Variants in GALNT1 observed in about 807,000 individuals in gnomAD.
GALNT1 encodes the protein polypeptide N-acetylgalactosaminyltransferase 1.
GALNT1 carries 17 observed loss-of-function variants against 65.7 expected under a neutral mutation model. The observed-to-expected ratio is 0.26, with a 90% CI of 0.18 to 0.39. GALNT1 has a LOEUF of 0.39. GALNT1 is among the 10% of genes least tolerant of loss of function. GALNT1 has a pLI of 1.00. For missense variants in GALNT1, 460 were observed against 672.8 expected, an observed-to-expected ratio of 0.68 and a Z score of 3.50; for synonymous variants, 210 against 219.7, an observed-to-expected ratio of 0.96 and a Z score of 0.39.
chr18:35,612,435 G>T (rs1374793148), intron 1 of GALNT1, among the ~76,000 whole-genome samples: 1 of 152,120 alleles, frequency 6.6e-6, no homozygotes, highest in Admixed American at 6.5e-5. Context: ...TTCAGTAAAA[G>T]CTTCACTCTA....
rs180919609 is a variant in GALNT1 at position 35,608,570 on chromosome 18, C to T, written c.-104+26708C>T. Among the ~76,000 whole-genome samples the T allele has an allele frequency of 9.5e-4, 144 of 152,230 alleles. 1 individual carries two copies. The highest frequency in any genetic ancestry group is 3.0e-3 in the African/African-American group (125 of 41,550). ...GTTTCAGCCAAACTAAACAAAGATT[C>T]ACTTTGTTTCTTCATTTAATAAACC... On this transcript the variant is annotated intron_variant, in intron 1 of 11. Coordinates refer to ENST00000269195, the MANE Select transcript of GALNT1 (RefSeq NM_020474.4).
chr18:35,600,133 A>G (rs1359050791), intron 1 of GALNT1, among the ~76,000 whole-genome samples: 1 of 152,186 alleles, frequency 6.6e-6, no homozygotes, highest in Non-Finnish European at 1.5e-5. Flanking sequence ...TCACAATATT[A>G]GTTATTCCAA....
chr18:35,654,597 A>G lies in GALNT1; in HGVS notation c.-66A>G. ...ATTTCTGATGAAACTGGATTGGAAT[A>G]ATTTTCATGATCTTTGTATATTTAT... On this transcript the variant is annotated 5_prime_UTR_variant, in exon 2 of 12. The change creates a new upstream start codon in the 5' untranslated region. Transcript: ENST00000269195. 1 of 923,236 alleles carries G rather than the reference A, an allele frequency of 1.1e-6. No individual in the cohort carries two copies. Among genetic ancestry groups the G allele is most frequent in the Non-Finnish European group, 1.4e-6 (1 of 703,260 alleles). The allele number at this position is 923,236 out of a possible 1,614,324, so 57.2% of individuals were successfully genotyped here. A position where few individuals can be genotyped will look rare whatever the true frequency, so the allele number is the denominator to read the frequency against.
intron 2 of GALNT1, among the ~76,000 whole-genome samples, chr18:35,663,176 A>G (rs2047500733): frequency 6.6e-6 from 1 of 152,170 alleles, no homozygotes; most frequent in Admixed American, 6.6e-5. Flanking sequence ...GAAGCAGGAG[A>G]ATGTGAGGCA....
intron 1 of GALNT1, among the ~76,000 whole-genome samples, chr18:35,592,661 A>G (rs902518653): frequency 6.6e-6 from 1 of 152,044 alleles, no homozygotes; most frequent in Non-Finnish European, 1.5e-5. Context: ...AGTGTGGAGA[A>G]TGGATTTGGG....
intron 1 of GALNT1, among the ~76,000 whole-genome samples, chr18:35,606,867 G>A (rs1039694600): frequency 7.5e-6 from 1 of 133,858 alleles, no homozygotes; most frequent in Non-Finnish European, 1.6e-5. Flanking sequence ...GTGTGTGTGT[G>A]TGTGTTTGGA....
chr18:35,686,962 G>A, intron 5 of GALNT1, 54 bp from the exon 6 acceptor site: 1 of 1,506,354 alleles, frequency 6.6e-7, no homozygotes, highest in Non-Finnish European at 9.1e-7. Flanking sequence ...TTCTGTAGTT[G>A]GCATTAAACA....
intron 1 of GALNT1, among the ~76,000 whole-genome samples, chr18:35,593,051 G>A (rs548401149): frequency 4.6e-5 from 7 of 152,276 alleles, no homozygotes; most frequent in South Asian, 4.1e-4. Flanking sequence ...GTTGCAAGAC[G>A]TGGGAGGCTG....
At chr18:35,594,757 C>G (rs886556030) in intron 1 of GALNT1, among the ~76,000 whole-genome samples, 1 of 152,130 alleles carries the variant, frequency 6.6e-6, no homozygotes, top group East Asian at 1.9e-4. Flanking sequence ...CGGAGAAGAA[C>G]AAGTTTGGCA....
chr18:35,596,101 A>T (rs1376477415), intron 1 of GALNT1: 7 of 152,148 alleles, frequency 4.6e-5, no homozygotes, highest in Admixed American at 2.0e-4. Flanking sequence ...TTAAATATAG[A>T]GATTAGGGTA....
At chr18:35,631,877 A>G (rs571566532) in intron 1 of GALNT1, among the ~76,000 whole-genome samples, 10 of 152,340 alleles carry the variant, frequency 6.6e-5, no homozygotes, top group Admixed American at 3.9e-4. Context: ...TACAAAATCA[A>G]TGTGCAAAAA....
At position 35,581,849 on chromosome 18, in the gene GALNT1, G is replaced by GCCA. The variant is rs1568009897; in HGVS notation, c.-116_-115insCAC. 2.1e-5 allele frequency: 2 copies of GCCA among 93,112 alleles called. No homozygotes were observed. Among genetic ancestry groups the GCCA allele is most frequent in the Non-Finnish European group, 4.4e-5 (2 of 45,192 alleles). The allele number at this position is 93,112 out of a possible 1,614,324, so 5.8% of individuals were successfully genotyped here. A position where few individuals can be genotyped will look rare whatever the true frequency, so the allele number is the denominator to read the frequency against. On this transcript the variant is annotated 5_prime_UTR_variant, in exon 1 of 12. Transcript: ENST00000269195. The stretch of plus-strand genomic sequence containing the variant: ...GAGGACGCCTGCCGCCGCCGCCGCC[G>GCCA]CGCGCCTAGCGAGGTGAGTGTATCG...
chr18:35,624,795 A>G (rs1331624023), intron 1 of GALNT1, among the ~76,000 whole-genome samples: 1 of 152,176 alleles, frequency 6.6e-6, no homozygotes, highest in Non-Finnish European at 1.5e-5. Context: ...CCTAAACACA[A>G]TGACCTTAAA....
intron 1 of GALNT1, among the ~76,000 whole-genome samples, chr18:35,599,825 G>A (rs1568013347): frequency 1.3e-5 from 2 of 152,122 alleles, no homozygotes; most frequent in African/African-American, 2.4e-5. Context: ...TTTCAAAAAT[G>A]AGTTGGCTGT....
At chr18:35,634,623 A>G (rs2047065373) in intron 1 of GALNT1, among the ~76,000 whole-genome samples, 1 of 152,188 alleles carries the variant, frequency 6.6e-6, no homozygotes, top group Non-Finnish European at 1.5e-5. Context: ...AGGGAACCTC[A>G]TTAGAGAGTC....
chr18:35,599,437 C>G (rs2046552022), intron 1 of GALNT1, among the ~76,000 whole-genome samples: 1 of 143,546 alleles, frequency 7.0e-6, no homozygotes, highest in African/African-American at 2.6e-5. Flanking sequence ...ATGGCACAAT[C>G]ACAGCTCACT....
chr18:35,607,881 G>A (rs756575177), intron 1 of GALNT1, among the ~76,000 whole-genome samples: 30 of 152,110 alleles, frequency 2.0e-4, no homozygotes, highest in Non-Finnish European at 7.4e-5. Context: ...AGTGGTCCAT[G>A]TACCTAGCAA....
intron 1 of GALNT1, among the ~76,000 whole-genome samples, chr18:35,600,893 A>G (rs923003325): frequency 3.3e-5 from 5 of 152,022 alleles, no homozygotes; most frequent in South Asian, 2.1e-4. Flanking sequence ...ATTGGTCTGT[A>G]GTTTTCTTTT....
At chr18:35,601,511 TGAG>T (rs1568013668) in intron 1 of GALNT1, among the ~76,000 whole-genome samples, 1 of 152,174 alleles carries the variant, frequency 6.6e-6, no homozygotes, top group African/African-American at 2.4e-5. Context: ...TCTAGTTACT[TGAG>T]GAGTATTGTT....
Sources: allele counts gnomAD v4.1 joint callset (sites outside exome capture counted in the v4.1 genomes callset), GRCh38; gene constraint gnomAD v4.1.1; transcripts MANE v1.5; gene names NCBI Gene and HGNC (gene_info 2026-07-23, HGNC 2026-07-21).